The following NR3C1 variants were observed in gnomAD, a reference collection of about 807,000 sequenced individuals.
The protein encoded by NR3C1 is nuclear receptor subfamily 3 group C member 1.
A neutral mutation model predicts 74.0 loss-of-function variants in NR3C1; 14 were observed. That is an observed-to-expected ratio of 0.19 (90% CI 0.12 to 0.30). The LOEUF is 0.30. Among genes scored for constraint, NR3C1 ranks in the 10% least tolerant of loss-of-function variants. The probability of loss-of-function intolerance (pLI) is 1.00; values close to 1 mark genes in which losing one functional copy is unlikely to be tolerated. For missense variants in NR3C1, 695 were observed against 909.8 expected (o/e 0.76, Z 3.04); for synonymous variants, 308 against 332.5 (o/e 0.93, Z 0.80).
intron 2 of NR3C1, among the ~76,000 whole-genome samples, chr5:143,344,360 A>G (rs1391971331): frequency 6.6e-6 from 1 of 152,230 alleles, no homozygotes; most frequent in African/African-American, 2.4e-5. Flanking sequence ...AAAGACAACA[A>G]CTAATACTAA....
intron 2 of NR3C1, among the ~76,000 whole-genome samples, chr5:143,393,025 T>C (rs72801088): frequency 0.13 from 19,716 of 152,106 alleles, 1,483 homozygotes; most frequent in Middle Eastern, 0.3. Context: ...TCGAAAAAAT[T>C]AGGGGGTAGA....
chr5:143,333,047 T>G (rs1156766931), intron 2 of NR3C1: 1 of 1,594,314 alleles, frequency 6.3e-7, no homozygotes, highest in Non-Finnish European at 8.5e-7. Flanking sequence ...TTGGCTTCAT[T>G]TGCTTGGAAG....
At chr5:143,362,669 GTAAT>G (rs1177466488) in intron 2 of NR3C1, among the ~76,000 whole-genome samples, 1 of 152,042 alleles carries the variant, frequency 6.6e-6, no homozygotes, top group Admixed American at 6.6e-5. Context: ...CCAAAGACTT[GTAAT>G]TAATTATTTG....
chr5:143,296,582 A>C (rs888064690), intron 6 of NR3C1, among the ~76,000 whole-genome samples: 4 of 152,092 alleles, frequency 2.6e-5, no homozygotes, highest in Admixed American at 6.5e-5. Flanking sequence ...ATAGTGTAGT[A>C]GAATAAGTAA....
intron 2 of NR3C1, among the ~76,000 whole-genome samples, chr5:143,367,838 A>G (rs1365841730): frequency 6.6e-6 from 1 of 152,238 alleles, no homozygotes; most frequent in Non-Finnish European, 1.5e-5. Context: ...CTACAGGTTC[A>G]ATGCAATCCC....
Position 143,401,595 on chromosome 5 carries a change from TGTA to T in NR3C1, c.-13-746_-13-744del, listed in dbSNP as rs10482618. 1.8e-4 allele frequency among the ~76,000 whole-genome samples: 27 copies of T among 152,350 alleles called. 2 individuals carry two copies. In the East Asian group the frequency reaches 5.0e-3, roughly 28 times the overall value. ...AGATTTTAAAGAGCAGAAGAGAAGG[TGTA>T]GTAGTTTCTCACTACGTTGTTAGCT... On this transcript the variant is annotated intron_variant, in intron 1 of 8. Coordinates refer to ENST00000394464, the MANE Select transcript of NR3C1 (RefSeq NM_000176.3).
Position 143,417,594 on chromosome 5 carries a change from G to T in NR3C1, c.-13-16742C>A, listed in dbSNP as rs543769465. ...TATTCTCTGTAAAGCATTTAGCATG[G>T]TCTCTGACATTTAATTAATGCATGG... On this transcript the variant is annotated intron_variant, in intron 1 of 8. Coordinates refer to the NR3C1 transcript ENST00000343796. Among the ~76,000 whole-genome samples, 35 of 152,162 alleles carry T rather than the reference G, an allele frequency of 2.3e-4. 1 individual carries two copies. The South Asian group carries it at 6.2e-3, about 27-fold the overall frequency.
At chr5:143,346,068 G>A (rs1458362816) in intron 2 of NR3C1, among the ~76,000 whole-genome samples, 1 of 152,200 alleles carries the variant, frequency 6.6e-6, no homozygotes. Flanking sequence ...ACAATGTTAT[G>A]ACTTTCATAA....
chr5:143,363,932 A>G (rs1297990660), intron 2 of NR3C1, among the ~76,000 whole-genome samples: 1 of 152,168 alleles, frequency 6.6e-6, no homozygotes, highest in African/African-American at 2.4e-5. Flanking sequence ...ACAAAGCAAC[A>G]CACAAATAAT....
chr5:143,355,453 G>A (rs928007924), intron 2 of NR3C1, among the ~76,000 whole-genome samples: 2 of 152,058 alleles, frequency 1.3e-5, no homozygotes, highest in Non-Finnish European at 2.9e-5. Context: ...TCCAGCCTGG[G>A]TGACAGAGCA....
intron 1 of NR3C1, among the ~76,000 whole-genome samples, chr5:143,432,945 C>G (rs1751906441): frequency 1.3e-5 from 2 of 152,142 alleles, no homozygotes; most frequent in South Asian, 4.1e-4. Context: ...TCAACTAGCT[C>G]TAATGGCAGA....
chr5:143,298,215 C>T lies in NR3C1; in HGVS notation c.1892+453G>A, dbSNP rs9324914. Among the ~76,000 whole-genome samples the T allele has an allele frequency of 5.4e-3, 822 of 152,328 alleles. 5 individuals are homozygous for T. The highest frequency in any genetic ancestry group is 0.022 in the East Asian group (114 of 5,184). On this transcript the variant is annotated intron_variant, in intron 6 of 8. Transcript: ENST00000394464. ...AATTTGTTCCCATATTCTTAAACCACAGACACTGGGTGAGCCTTGCCATGC... is the reference window on the plus strand; with the variant it reads ...AATTTGTTCCCATATTCTTAAACCATAGACACTGGGTGAGCCTTGCCATGC...
intron 2 of NR3C1, among the ~76,000 whole-genome samples, chr5:143,316,649 C>T (rs1361271291): frequency 6.6e-6 from 1 of 152,072 alleles, no homozygotes; most frequent in Non-Finnish European, 1.5e-5. Context: ...TAGGTATCTA[C>T]TACTTTGACC....
chr5:143,289,973 A>T (rs1815478894), intron 7 of NR3C1, among the ~76,000 whole-genome samples: 1 of 152,192 alleles, frequency 6.6e-6, no homozygotes, highest in Admixed American at 6.5e-5. Context: ...CCCAAGAGAG[A>T]TGAAATGTAC....
At chr5:143,318,491 A>G (rs1822647272) in intron 2 of NR3C1, among the ~76,000 whole-genome samples, 2 of 152,184 alleles carry the variant, frequency 1.3e-5, no homozygotes, top group Non-Finnish European at 2.9e-5. Context: ...AGATCTTTCA[A>G]ATGTTGACAT....
chr5:143,377,791 C>T (rs1425260888), intron 2 of NR3C1, among the ~76,000 whole-genome samples: 1 of 152,172 alleles, frequency 6.6e-6, no homozygotes, highest in African/African-American at 2.4e-5. Flanking sequence ...AACTGTCTTT[C>T]CCAAATTAAG....
At chr5:143,431,427 A>G (rs1040506256) in intron 1 of NR3C1, among the ~76,000 whole-genome samples, 6 of 152,252 alleles carry the variant, frequency 3.9e-5, no homozygotes, top group Middle Eastern at 6.8e-3. Context: ...GTTCTCACTC[A>G]TAAGTGGGAG....
intron 4 of NR3C1, among the ~76,000 whole-genome samples, chr5:143,305,678 T>G (rs1273052986): frequency 2.0e-5 from 3 of 152,060 alleles, no homozygotes; most frequent in Non-Finnish European, 1.5e-5. Flanking sequence ...AAATGGGAGC[T>G]AAACATTGAG....
chr5:143,340,349 CT>C (rs141742535), intron 2 of NR3C1, among the ~76,000 whole-genome samples: 15 of 151,768 alleles, frequency 9.9e-5, no homozygotes, highest in African/African-American at 3.6e-4. Context: ...TCCCAGCAGG[CT>C]TTTTTTGTGT....
Sources: gnomAD v4.1 joint callset for allele counts (sites outside exome capture counted in the v4.1 genomes callset) on GRCh38, gnomAD v4.1.1 for gene constraint, MANE v1.5 for transcripts, NCBI Gene and HGNC (gene_info 2026-07-23, HGNC 2026-07-21) for gene names.